The following TMEM132B variants were observed in gnomAD, a reference collection of about 807,000 sequenced individuals.
The protein encoded by TMEM132B is transmembrane protein 132B.
A neutral mutation model predicts 90.8 loss-of-function variants in TMEM132B; 18 were observed. The ratio of observed to expected loss-of-function variants is 0.20; its 90% CI spans 0.14 to 0.29. The LOEUF (loss-of-function observed/expected upper bound fraction) is 0.29. Among genes scored for constraint, TMEM132B ranks in the 10% least tolerant of loss-of-function variants. TMEM132B has a pLI of 1.00. For synonymous variants in TMEM132B, 504 were observed against 523.3 expected (o/e 0.96, Z 0.50); for missense variants, 1,096 against 1,326.8 (o/e 0.83, Z 2.70).
chr12:125,605,306 G>A (rs1885666594), intron 5 of TMEM132B, among the ~76,000 whole-genome samples: 1 of 152,224 alleles, frequency 6.6e-6, no homozygotes, highest in South Asian at 2.1e-4. Flanking sequence ...CATTCCCTTG[G>A]TACTGATTGG....
intron 3 of TMEM132B, among the ~76,000 whole-genome samples, 166 bp from the exon 4 acceptor site, chr12:125,519,273 T>A (rs1883244622): frequency 6.6e-6 from 1 of 152,238 alleles, no homozygotes. Context: ...TGTGGGCTGC[T>A]GATGGGCAGC....
In TMEM132B at chr12:125,240,576, C is replaced by T. The variant is rs117553033; in HGVS notation, c.67+53710C>T. ...AGGGTAGGAATGAGTCCCAGATACC[C>T]CAGCATTGACCTCTTGGTTCAAGCA... On this transcript the variant is annotated intron_variant, in intron 1 of 8. Coordinates refer to ENST00000682704, the MANE Select transcript of TMEM132B (RefSeq NM_001366854.1). Among the ~76,000 whole-genome samples the T allele has an allele frequency of 1.4e-3, 209 of 152,218 alleles. 1 individual carries two copies. The highest frequency in any genetic ancestry group is 2.2e-3 in the Non-Finnish European group (151 of 68,034).
At chr12:125,370,554 TC>T (rs935293542) in intron 2 of TMEM132B, among the ~76,000 whole-genome samples, 18 of 152,248 alleles carry the variant, frequency 1.2e-4, no homozygotes, top group African/African-American at 4.3e-4. Flanking sequence ...CAGTCCCTTC[TC>T]CCCCCATCAG....
At chr12:125,499,687 G>A (rs1237689964) in intron 3 of TMEM132B, among the ~76,000 whole-genome samples, 1 of 152,130 alleles carries the variant, frequency 6.6e-6, no homozygotes, top group Non-Finnish European at 1.5e-5. Flanking sequence ...TTAGGGTTAA[G>A]GCATACTCCC....
intron 1 of TMEM132B, among the ~76,000 whole-genome samples, chr12:125,319,600 C>G (rs576302387): frequency 1.2e-4 from 18 of 152,344 alleles, no homozygotes; most frequent in Non-Finnish European, 2.5e-4. Flanking sequence ...CACTGACTCT[C>G]TGGTTCCCCT....
intron 1 of TMEM132B, among the ~76,000 whole-genome samples, chr12:125,316,825 G>A (rs1279846842): frequency 6.6e-6 from 1 of 152,234 alleles, no homozygotes; most frequent in Non-Finnish European, 1.5e-5. Context: ...AGGCCACCAT[G>A]AGAACTTGGA....
At chr12:125,223,267 G>T (rs542092164) in intron 1 of TMEM132B, among the ~76,000 whole-genome samples, 14 of 152,224 alleles carry the variant, frequency 9.2e-5, no homozygotes, top group Non-Finnish European at 2.1e-4. Context: ...CACTTTTTAT[G>T]ATCATGTTAC....
chr12:125,218,347 A>G (rs555000850), intron 1 of TMEM132B, among the ~76,000 whole-genome samples: 11 of 152,350 alleles, frequency 7.2e-5, no homozygotes, highest in Non-Finnish European at 1.5e-4. Flanking sequence ...TCCCCTTAAA[A>G]TGAGAAAAAA....
rs1449017271 is a variant in TMEM132B, at chr12:125,498,897, GA to G, written c.1107-20539del. Among the ~76,000 whole-genome samples, 2 of 152,214 alleles carry G rather than the reference GA, an allele frequency of 1.3e-5. No homozygotes were observed. Among genetic ancestry groups the G allele is most frequent in the Non-Finnish European group, 1.5e-5 (1 of 68,042 alleles). On this transcript the variant is annotated intron_variant, in intron 3 of 8. Coordinates refer to ENST00000682704, the MANE Select transcript of TMEM132B (RefSeq NM_001366854.1). This position sits in a 1 kb window ranked among gnomAD's most constrained non-coding sequence, Gnocchi z 4.5. ...AGGTTTCCTGTGGGTTATCTTTGGG[GA>G]AAGTGACCTGGACCTGTTGGTGATA...
At chr12:125,200,369 A>G (rs528595202) in intron 1 of TMEM132B, among the ~76,000 whole-genome samples, 17 of 152,298 alleles carry the variant, frequency 1.1e-4, no homozygotes, top group Admixed American at 9.2e-4. Context: ...TAGGAAGTCT[A>G]TAGTATCCCA....
In TMEM132B at chr12:125,492,905, G is replaced by T. The variant is rs759790112; in HGVS notation, c.1107-26534G>T. Reference sequence around the variant, plus strand: ...CAGGAAGGGAGATGAAAATAAACCCGTGAAGATAGATAACTATCTAAGGAC... The same window carrying T: ...CAGGAAGGGAGATGAAAATAAACCCTTGAAGATAGATAACTATCTAAGGAC... On this transcript the variant is annotated intron_variant, in intron 3 of 8. Coordinates refer to ENST00000682704, the MANE Select transcript of TMEM132B (RefSeq NM_001366854.1). The surrounding 1 kb of genome is among the most constrained non-coding windows in gnomAD (Gnocchi z 5.8). Among the ~76,000 whole-genome samples, 2 of 152,178 alleles carry T rather than the reference G, an allele frequency of 1.3e-5. No homozygotes were observed. Among genetic ancestry groups the T allele is most frequent in the African/African-American group, 4.8e-5 (2 of 41,440 alleles).
At chr12:125,500,244 G>A (rs892102627) in intron 3 of TMEM132B, among the ~76,000 whole-genome samples, 4 of 152,220 alleles carry the variant, frequency 2.6e-5, no homozygotes, top group African/African-American at 9.6e-5. Context: ...ACACTTGTAA[G>A]TTTGAATTAT....
At chr12:125,430,267 G>A (rs55845279) in intron 3 of TMEM132B, among the ~76,000 whole-genome samples, 38,012 of 152,114 alleles carry the variant, frequency 0.25, 4,980 homozygotes, top group South Asian at 0.41. Context: ...TCGGGTGAGC[G>A]CACTGGCCGG....
At chr12:125,224,056 C>T (rs554495223) in intron 1 of TMEM132B, among the ~76,000 whole-genome samples, 3 of 152,194 alleles carry the variant, frequency 2.0e-5, no homozygotes, top group African/African-American at 2.4e-5. Context: ...GGATTACAGG[C>T]GTGAACCACC....
chr12:125,264,196 C>T (rs1291932037), intron 1 of TMEM132B, among the ~76,000 whole-genome samples: 6 of 152,166 alleles, frequency 3.9e-5, no homozygotes, highest in African/African-American at 9.7e-5. Context: ...ATCGTCACAT[C>T]GCTTCCTCTG....
At chr12:125,341,773 A>T (rs774012081) in intron 1 of TMEM132B, among the ~76,000 whole-genome samples, 32 of 152,210 alleles carry the variant, frequency 2.1e-4, no homozygotes, top group Non-Finnish European at 3.1e-4. Context: ...CCTAAGCATA[A>T]TATATACATT....
intron 3 of TMEM132B, among the ~76,000 whole-genome samples, chr12:125,473,023 CA>C (rs1308201712): frequency 2.0e-5 from 3 of 152,210 alleles, no homozygotes; most frequent in African/African-American, 7.2e-5. Flanking sequence ...CATCTGTCTT[CA>C]GAGTGAATGC....
chr12:125,527,826 A>G (rs1883537412), intron 4 of TMEM132B, among the ~76,000 whole-genome samples: 1 of 152,230 alleles, frequency 6.6e-6, no homozygotes, highest in African/African-American at 2.4e-5. Flanking sequence ...TGAATAGCAA[A>G]CATTTACTTA....
chr12:125,414,432 T>C (rs1043912816), intron 2 of TMEM132B, among the ~76,000 whole-genome samples: 2 of 152,216 alleles, frequency 1.3e-5, no homozygotes, highest in Non-Finnish European at 2.9e-5. Flanking sequence ...ATAATGCACC[T>C]GTCTTTGCTG....
Sources: gnomAD v4.1 joint callset for allele counts (sites outside exome capture counted in the v4.1 genomes callset) on GRCh38, gnomAD v4.1.1 for gene constraint, Gnocchi (gnomAD v3.1) non-coding constraint, MANE v1.5 for transcripts, NCBI Gene and HGNC (gene_info 2026-07-23, HGNC 2026-07-21) for gene names.